The following FAM193A variants were observed in gnomAD, a reference collection of about 807,000 sequenced individuals.
The protein encoded by FAM193A is family with sequence similarity 193 member A.
Under a neutral mutation model 126.5 loss-of-function variants are expected in FAM193A, and 22 were observed. That is an observed-to-expected ratio of 0.17 (90% CI 0.12 to 0.25). FAM193A has a LOEUF of 0.25. Ranked by LOEUF, FAM193A falls within the 10% of genes least tolerant of loss-of-function variation. The pLI, the probability that FAM193A is intolerant of heterozygous loss-of-function variation, is 1.00. For missense variants in FAM193A, 1,675 were observed against 1,672.8 expected (o/e 1.00, Z -0.02); for synonymous variants, 761 against 646.8 (o/e 1.18, Z -2.68).
intron 5 of FAM193A, 30 bp from the exon 6 acceptor site, chr4:2,639,705 T>C (rs768463537): frequency 6.3e-7 from 1 of 1,593,796 alleles, no homozygotes; most frequent in East Asian, 2.2e-5. Context: ...CACTACATCT[T>C]CTGTTTATCT....
chr4:2,693,629 G>A lies in FAM193A; in HGVS notation c.2847G>A (p.Ser949=), dbSNP rs1716665917. Residue 949 remains serine (S), a synonymous_variant, in exon 16 of 21, where the codon TCG becomes TCA. Coordinates refer to ENST00000637812, the MANE Select transcript of FAM193A (RefSeq NM_001366318.2). ...TCAGCAAGGAGGACCACAGACACTC[G>A]GCCCCAGCCGCCCCGAGGAATAGCC... The part of the protein sequence containing the change: ...HGISKEDHRH[S]APAAPRNSPT... The A allele has an allele frequency of 6.2e-6, 10 of 1,613,940 alleles. No individual in the cohort carries two copies. The highest frequency in any genetic ancestry group is 4.4e-5 in the South Asian group (4 of 91,050).
chr4:2,651,341 C>T (rs1350538158), intron 7 of FAM193A, among the ~76,000 whole-genome samples: 1 of 151,932 alleles, frequency 6.6e-6, no homozygotes, highest in Non-Finnish European at 1.5e-5. Flanking sequence ...AAAAAAAAAC[C>T]AATAAAACAA....
intron 1 of FAM193A, among the ~76,000 whole-genome samples, chr4:2,576,402 C>G (rs749772692): frequency 2.6e-5 from 4 of 152,118 alleles, no homozygotes; most frequent in Non-Finnish European, 4.4e-5. Context: ...CTGGAACACC[C>G]AGTTATTAAC....
intron 8 of FAM193A, among the ~76,000 whole-genome samples, chr4:2,658,432 G>A (rs1711981883): frequency 6.6e-6 from 1 of 152,100 alleles, no homozygotes; most frequent in Admixed American, 6.5e-5. Context: ...GAGCTGTTGG[G>A]CAGAGCTTGC....
At chr4:2,704,050 G>T (rs750052524) in intron 19 of FAM193A, among the ~76,000 whole-genome samples, 16 of 150,824 alleles carry the variant, frequency 1.1e-4, no homozygotes, top group Non-Finnish European at 2.1e-4. Flanking sequence ...GGCGGATCAC[G>T]AGGTCAGGAG....
At chr4:2,686,784 C>T (rs943427839) in intron 13 of FAM193A, among the ~76,000 whole-genome samples, 7 of 152,138 alleles carry the variant, frequency 4.6e-5, no homozygotes, top group African/African-American at 1.4e-4. Context: ...GACTGCTGCT[C>T]AAAGCTAGCA....
intron 13 of FAM193A, among the ~76,000 whole-genome samples, chr4:2,682,080 G>C (rs1044995682): frequency 3.3e-5 from 5 of 149,344 alleles, no homozygotes; most frequent in African/African-American, 1.2e-4. Context: ...CACCTCCTGA[G>C]TTCACACCAT....
chr4:2,575,221 G>A (rs1477457611), intron 1 of FAM193A, among the ~76,000 whole-genome samples: 1 of 152,190 alleles, frequency 6.6e-6, no homozygotes, highest in Non-Finnish European at 1.5e-5. Context: ...CAGGTCAGGT[G>A]ACGAGACGGT....
intron 19 of FAM193A, among the ~76,000 whole-genome samples, chr4:2,701,724 G>C (rs1003007761): frequency 1.3e-5 from 2 of 151,812 alleles, no homozygotes; most frequent in Non-Finnish European, 2.9e-5. Context: ...ACTAGTTGTA[G>C]CATCCATTAA....
At chr4:2,640,706 G>A (rs1436135540) in intron 6 of FAM193A, among the ~76,000 whole-genome samples, 1 of 152,186 alleles carries the variant, frequency 6.6e-6, no homozygotes. Flanking sequence ...GCTCACGCCT[G>A]TAATTCCAAC....
intron 1 of FAM193A, among the ~76,000 whole-genome samples, chr4:2,582,146 C>T (rs1381640214): frequency 6.6e-6 from 1 of 152,094 alleles, no homozygotes; most frequent in Non-Finnish European, 1.5e-5. Flanking sequence ...AGTCTCTCCT[C>T]TCCTCCTCCA....
At chr4:2,703,334 C>T (rs1452588391) in intron 19 of FAM193A, among the ~76,000 whole-genome samples, 2 of 152,092 alleles carry the variant, frequency 1.3e-5, no homozygotes, top group Non-Finnish European at 2.9e-5. Context: ...GCATCCTCCA[C>T]CCCCCAGGTT....
chr4:2,543,628 G>A (rs191947349), intron 1 of FAM193A, among the ~76,000 whole-genome samples: 35 of 151,990 alleles, frequency 2.3e-4, no homozygotes, highest in African/African-American at 8.2e-4. Context: ...AGGCTGAGGT[G>A]GGCAGATCAC....
In FAM193A at chr4:2,700,397, G is replaced by A. The variant is rs1335976266; in HGVS notation, c.4225G>A (p.Glu1409Lys). The A allele has an allele frequency of 5.0e-6, 8 of 1,614,006 alleles. No individual in the cohort carries two copies. The highest frequency in any genetic ancestry group is 5.9e-6 in the Non-Finnish European group (7 of 1,180,040). Reference protein sequence around the residue: ...NKKQLNHIKDEKSNPTPMEPT... With the variant: ...NKKQLNHIKDKKSNPTPMEPT... ...AAAGCAGCTGAACCACATCAAGGAC[G>A]AAAAGTCAAACCCAACCCCTATGGA... is the stretch of plus-strand genomic sequence containing the variant. The change falls in exon 19 of 21, where the codon GAA becomes AAA. Residue 1409 changes from glutamate to lysine, a missense_variant. Glu to Lys is a moderately conservative substitution (Grantham distance 56). Coordinates refer to ENST00000637812, the MANE Select transcript of FAM193A (RefSeq NM_001366318.2).
chr4:2,618,260 T>G lies in FAM193A; in HGVS notation c.502-7002T>G, dbSNP rs1317595340. 2.6e-5 allele frequency among the ~76,000 whole-genome samples: 4 copies of G among 152,172 alleles called. No individual in the cohort carries two copies. In the East Asian group the frequency reaches 7.7e-4, roughly 29 times the overall value. ...TGCTTTGGGTTAATTGAGCTTGCAG[T>G]GAGTGTGGGCTTACATAGTGTGAAT... is the stretch of plus-strand genomic sequence containing the variant. On this transcript the variant is annotated intron_variant, in intron 2 of 20. Coordinates refer to ENST00000637812, the MANE Select transcript of FAM193A (RefSeq NM_001366318.2).
intron 13 of FAM193A, among the ~76,000 whole-genome samples, chr4:2,682,160 A>G (rs1362995284): frequency 6.6e-6 from 1 of 151,222 alleles, no homozygotes; most frequent in African/African-American, 2.4e-5. Flanking sequence ...AATTTTTTGT[A>G]TATTTAGTAA....
intron 2 of FAM193A, among the ~76,000 whole-genome samples, chr4:2,622,732 G>A (rs536646449): frequency 3.3e-5 from 5 of 152,258 alleles, no homozygotes; most frequent in Admixed American, 6.5e-5. Flanking sequence ...CTCTGTCCTC[G>A]TGCGGTGGAA....
chr4:2,655,117 T>G, intron 7 of FAM193A: 1 of 700,348 alleles, frequency 1.4e-6, no homozygotes, highest in African/African-American at 1.7e-5. Flanking sequence ...AGTCCTGGCT[T>G]CGAGGGGCTG....
chr4:2,550,356 AAG>A (rs1430296048), intron 1 of FAM193A, among the ~76,000 whole-genome samples: 6 of 147,238 alleles, frequency 4.1e-5, no homozygotes, highest in Non-Finnish European at 9.0e-5. Context: ...TAGACTGTTT[AAG>A]TCGTAGGTGA....
Sources: allele counts gnomAD v4.1 joint callset (sites outside exome capture counted in the v4.1 genomes callset), GRCh38; gene constraint gnomAD v4.1.1; transcripts MANE v1.5; gene names NCBI Gene and HGNC (gene_info 2026-07-23, HGNC 2026-07-21).